Variants in HERC2 observed in about 807,000 individuals in gnomAD.
HERC2 encodes HECT and RLD domain containing E3 ubiquitin protein ligase 2.
HERC2 carries 102 observed loss-of-function variants against 537.7 expected under a neutral mutation model. The observed-to-expected ratio is 0.19, with a 90% CI of 0.16 to 0.22. The LOEUF (loss-of-function observed/expected upper bound fraction) is 0.22, where lower values mean the gene tolerates loss of function less well. Among genes scored for constraint, HERC2 ranks in the 10% least tolerant of loss-of-function variants. HERC2 has a pLI of 1.00. For synonymous variants in HERC2, 2,224 were observed against 2,466.2 expected, an observed-to-expected ratio of 0.90 and a Z score of 2.91; for missense variants, 4,236 against 6,198.2, an observed-to-expected ratio of 0.68 and a Z score of 10.63.
At chr15:28,301,735 G>GTGTA (rs1468330361) in intron 2 of HERC2, among the ~76,000 whole-genome samples, 251 of 35,226 alleles carry the variant, frequency 7.1e-3, no homozygotes, top group Non-Finnish European at 8.7e-3. Flanking sequence ...GTATGTATGT[G>GTGTA]TATATATATA....
chr15:28,274,258 T>G (rs1183543559), intron 7 of HERC2, 33 bp downstream of exon 7: 1 of 1,610,782 alleles, frequency 6.2e-7, no homozygotes. Flanking sequence ...GCCAGCTGTC[T>G]GCGTGCAGAA....
chr15:28,139,880 G>C (rs1406193290), intron 78 of HERC2, among the ~76,000 whole-genome samples: 2 of 147,320 alleles, frequency 1.4e-5, no homozygotes, highest in Non-Finnish European at 3.0e-5. Context: ...CCAATATGGC[G>C]AAACCCCATC....
intron 32 of HERC2, 34 bp from the exon 33 acceptor site, chr15:28,229,630 T>C (rs1171470655): frequency 1.2e-6 from 2 of 1,601,254 alleles, no homozygotes; most frequent in Admixed American, 1.7e-5. Context: ...TTAAGTGTTA[T>C]GTATATTACC....
chr15:28,113,321 C>T lies in HERC2; in HGVS notation c.14020-38G>A, dbSNP rs748058219. On this transcript the variant is annotated intron_variant, in intron 91 of 92. Transcript: ENST00000261609. The surrounding 1 kb of genome is among the most constrained non-coding windows in gnomAD (Gnocchi z 7.0). ...GTCTGTCAGGGCCGCGTGATGCTTC[C>T]CACCCTGGCATTTCCGCAAGACTCC... is the stretch of plus-strand genomic sequence containing the variant. 1.9e-6 allele frequency: 3 copies of T among 1,592,756 alleles called. No homozygotes were observed. In the South Asian group the frequency reaches 3.3e-5, roughly 18 times the overall value.
At chr15:28,182,761 G>A (rs1895945988) in intron 56 of HERC2, among the ~76,000 whole-genome samples, 1 of 152,008 alleles carries the variant, frequency 6.6e-6, no homozygotes, top group Non-Finnish European at 1.5e-5. Flanking sequence ...TTTATTTTTG[G>A]TGGAAAACGA....
At chr15:28,254,278 G>GTC in intron 20 of HERC2, 62 bp downstream of exon 20, 1 of 1,240,722 alleles carries the variant, frequency 8.1e-7, no homozygotes, top group Non-Finnish European at 1.1e-6. Flanking sequence ...AGCGAACTCT[G>GTC]TCACACACAC....
At chr15:28,293,610 T>C (rs2076382532) in intron 3 of HERC2, among the ~76,000 whole-genome samples, 1 of 152,338 alleles carries the variant, frequency 6.6e-6, no homozygotes, top group Admixed American at 6.5e-5. Flanking sequence ...GTCTTTGATA[T>C]TTACCTACTT....
intron 56 of HERC2, among the ~76,000 whole-genome samples, chr15:28,184,222 T>A (rs780056762): frequency 8.6e-5 from 13 of 152,024 alleles, no homozygotes; most frequent in Non-Finnish European, 1.3e-4. Flanking sequence ...TACACACATA[T>A]ATATACACAC....
chr15:28,117,308 C>G (rs893963563), intron 86 of HERC2, 154 bp from the exon 87 acceptor site: 3 of 822,574 alleles, frequency 3.6e-6, no homozygotes, highest in South Asian at 1.4e-5. Flanking sequence ...CAGGCAGACC[C>G]TGCCGTCTGG....
chr15:28,232,033 G>A (rs988160729), intron 30 of HERC2, among the ~76,000 whole-genome samples: 28 of 152,082 alleles, frequency 1.8e-4, no homozygotes, highest in Non-Finnish European at 4.1e-4. Context: ...TAAAGGAATC[G>A]CAGCAGTGTG....
rs756124565 is a variant in HERC2 at position 28,167,818 on chromosome 15, A to T, written c.10423T>A (p.Ser3475Thr). ...GCAGAGGGGGTCACTGCGTCCTCAG[A>T]GGAAACAATCTAGTCCAAGAGTGCA... ...PWQEKREIVS[S>T]EDAVTPSAVT... is the part of the protein sequence containing the mutation. Residue 3475 changes from serine (S) to threonine (T), a missense_variant, in exon 68 of 93, where the codon TCT becomes ACT. Physicochemically the swap from Ser to Thr is moderately conservative, Grantham distance 58 (BLOSUM62 1). Around this residue, in one of 27 missense-constraint regions of HERC2, gnomAD observed 356 missense variants for 450.9 expected, o/e 0.79. Coordinates refer to ENST00000261609, the MANE Select transcript of HERC2 (RefSeq NM_004667.6). The T allele has an allele frequency of 1.2e-6, 2 of 1,613,046 alleles. No individual in the cohort carries two copies. The highest frequency in any genetic ancestry group is 1.7e-6 in the Non-Finnish European group (2 of 1,179,752).
chr15:28,309,866 G>C (rs1428133975), intron 2 of HERC2, among the ~76,000 whole-genome samples: 1 of 152,212 alleles, frequency 6.6e-6, no homozygotes, highest in Admixed American at 6.5e-5. Flanking sequence ...TTCAGTTTTT[G>C]TAGAAGGAAC....
chr15:28,305,347 A>G (rs2076755852), intron 2 of HERC2, among the ~76,000 whole-genome samples: 1 of 152,054 alleles, frequency 6.6e-6, no homozygotes, highest in African/African-American at 2.4e-5. Flanking sequence ...TCAATGGAAC[A>G]GAACAGAGCC....
At chr15:28,242,487 CATGGG>C (rs1352885081) in intron 23 of HERC2, among the ~76,000 whole-genome samples, 1 of 152,228 alleles carries the variant, frequency 6.6e-6, no homozygotes, top group African/African-American at 2.4e-5. Context: ...TAACGGGTTG[CATGGG>C]ACCTATCTTC....
At chr15:28,316,202 AAC>A (rs1182007958) in intron 2 of HERC2, 1 of 155,754 alleles carries the variant, frequency 6.4e-6, no homozygotes, top group African/African-American at 2.5e-5. Flanking sequence ...CAACCTGGGC[AAC>A]AGAGTGAGAC....
Position 28,130,311 on chromosome 15 carries a change from A to G in HERC2, c.12663-9T>C, listed in dbSNP as rs1889972475. 2 of 1,614,104 alleles carry G rather than the reference A, an allele frequency of 1.2e-6. No individual in the cohort carries two copies. The highest frequency in any genetic ancestry group is 1.7e-6 in the Non-Finnish European group (2 of 1,179,970). ...GATAATCGCCTTTGCCCCTGCACAC[A>G]AAGGAAGCATGGAAATTATGGGGCA... On this transcript the variant is annotated splice_polypyrimidine_tract_variant and intron_variant, in intron 82 of 92. Coordinates refer to ENST00000261609, the MANE Select transcript of HERC2 (RefSeq NM_004667.6).
chr15:28,294,902 A>T (rs1204752357), intron 3 of HERC2, among the ~76,000 whole-genome samples: 3 of 151,974 alleles, frequency 2.0e-5, no homozygotes, highest in Non-Finnish European at 4.4e-5. Context: ...TTATAAACAG[A>T]ACTTTAATCA....
rs1251922891 is a variant in HERC2, at chr15:28,256,424, C to T, written c.2518-107G>A. The T allele has an allele frequency of 6.2e-6, 5 of 810,038 alleles. No individual in the cohort carries two copies. The African/African-American group carries it at 6.9e-5, about 11-fold the overall frequency. 50.2% of individuals were successfully genotyped at this position (810,038 alleles called of 1,614,324 possible). ...CAATTTCAAGTATTATTTAAATAGACAATTTCTCAGTTTATGTATTTTTAA... is the reference window on the plus strand; with the variant it reads ...CAATTTCAAGTATTATTTAAATAGATAATTTCTCAGTTTATGTATTTTTAA... On this transcript the variant is annotated intron_variant, in intron 17 of 92. Transcript: ENST00000261609.
At chr15:28,310,652 C>T (rs984400000) in intron 2 of HERC2, among the ~76,000 whole-genome samples, 284 of 151,998 alleles carry the variant, frequency 1.9e-3, no homozygotes, top group African/African-American at 5.7e-3. Context: ...AGGCTAACAG[C>T]GGTCAGAACT....
Sources: allele counts gnomAD v4.1 joint callset (sites outside exome capture counted in the v4.1 genomes callset), GRCh38; gene constraint gnomAD v4.1.1; regional missense constraint gnomAD v4.1.1; non-coding constraint Gnocchi (gnomAD v3.1); transcripts MANE v1.5; gene names NCBI Gene and HGNC (gene_info 2026-07-23, HGNC 2026-07-21).